Variants in ADGRL2 observed in about 807,000 individuals in gnomAD.
The protein encoded by ADGRL2 is adhesion G protein-coupled receptor L2, also known as calcium-independent alpha-latrotoxin receptor 2.
Under a neutral mutation model 157.4 loss-of-function variants are expected in ADGRL2, and 44 were observed. The ratio of observed to expected loss-of-function variants is 0.28; its 90% CI spans 0.22 to 0.36. The LOEUF (loss-of-function observed/expected upper bound fraction) is 0.36. Among genes scored for constraint, ADGRL2 ranks in the 10% least tolerant of loss-of-function variants. ADGRL2 has a pLI of 1.00. For missense variants in ADGRL2, 1,510 were observed against 1,768.9 expected (o/e 0.85, Z 2.63); for synonymous variants, 585 against 624.7 (o/e 0.94, Z 0.95).
chr1:81,766,984 G>A (rs74095905), intron 2 of ADGRL2, among the ~76,000 whole-genome samples: 5,276 of 151,470 alleles, frequency 0.035, 265 homozygotes, highest in African/African-American at 0.11. Context: ...TCTTTAATCC[G>A]AGCTAAACAT....
chr1:81,501,119 CA>C (rs2078836506), intron 2 of ADGRL2, among the ~76,000 whole-genome samples: 1 of 152,156 alleles, frequency 6.6e-6, no homozygotes, highest in South Asian at 2.1e-4. Flanking sequence ...CTCGCAGGGG[CA>C]AAATTACTGC....
intron 2 of ADGRL2, among the ~76,000 whole-genome samples, chr1:81,459,700 A>G (rs2077881408): frequency 6.6e-6 from 1 of 151,874 alleles, no homozygotes; most frequent in African/African-American, 2.4e-5. Context: ...GTGTATATAT[A>G]TATACACACA....
chr1:81,501,905 T>C lies in ADGRL2; in HGVS notation c.-248+56816T>C, dbSNP rs1484643823. 2.5e-6 allele frequency: 4 copies of C among 1,613,020 alleles called. No individual in the cohort carries two copies. The South Asian group carries it at 3.3e-5, about 13-fold the overall frequency. ...GCAGATGAGAGAAGCCCAGTTCTTG[T>C]ATGCCCAAAAGCTGGTCACGCAGCC... On this transcript the variant is annotated intron_variant, in intron 2 of 24. Transcript: ENST00000370721.
chr1:81,711,875 T>C (rs2083941363), intron 1 of ADGRL2, among the ~76,000 whole-genome samples: 1 of 152,116 alleles, frequency 6.6e-6, no homozygotes, highest in Non-Finnish European at 1.5e-5. Flanking sequence ...GATTCAAAGG[T>C]TAAGGGAGAA....
chr1:81,907,082 A>T lies in ADGRL2; in HGVS notation c.139A>T (p.Ile47Leu). 1 of 1,614,128 alleles carries T rather than the reference A, an allele frequency of 6.2e-7. No individual in the cohort carries two copies. The highest frequency in any genetic ancestry group is 2.2e-5 in the East Asian group (1 of 44,874). ...AGAATTATCCTGTGAAGGTTATTCT[A>T]TAGATCTGCGATGCCCGGGCAGTGA... ...RRELSCEGYS[I>L]DLRCPGSDVI... Residue 47 changes from isoleucine to leucine, a missense_variant, in exon 3 of 24, where the codon ATA becomes TTA. By Grantham distance (5) the Ile-to-Leu change is conservative. Transcript: ENST00000686636.
Position 81,943,226 on chromosome 1 carries a change from G to A in ADGRL2, c.667G>A (p.Val223Ile), listed in dbSNP as rs1454383700. The stretch of plus-strand genomic sequence containing the variant: ...TGGATTTGTGGTGTATGATGGTGCT[G>A]TCTTCTTTAACAAAGAAAGAACGAG... ...GTGFVVYDGAVFFNKERTRNI... is the reference protein window; with the variant it reads ...GTGFVVYDGAIFFNKERTRNI... Residue 223 changes from valine (V) to isoleucine (I), a missense_variant, in exon 6 of 24, where the codon GTC (valine) becomes ATC (isoleucine). Transcript: ENST00000686636. The surrounding 1 kb of genome is among the most constrained non-coding windows in gnomAD (Gnocchi z 5.6). 2 of 1,613,622 alleles carry A rather than the reference G, an allele frequency of 1.2e-6. No homozygotes were observed. The highest frequency in any genetic ancestry group is 1.1e-5 in the South Asian group (1 of 91,066).
At chr1:81,458,596 C>A (rs571345129) in intron 2 of ADGRL2, among the ~76,000 whole-genome samples, 1 of 152,354 alleles carries the variant, frequency 6.6e-6, no homozygotes, top group Admixed American at 6.5e-5. Flanking sequence ...GCTTGCACTA[C>A]TGGCCCAGAT....
At chr1:81,631,907 C>T (rs1202267800) in intron 3 of ADGRL2, among the ~76,000 whole-genome samples, 1 of 152,066 alleles carries the variant, frequency 6.6e-6, no homozygotes, top group Non-Finnish European at 1.5e-5. Flanking sequence ...GATTACAGTT[C>T]CTGCTTGCCT....
At position 81,741,782 on chromosome 1, in the gene ADGRL2, T is replaced by A. The variant is rs551918267; in HGVS notation, c.-142-20029T>A. On this transcript the variant is annotated intron_variant, in intron 1 of 20. Transcript: ENST00000359929. Reference sequence around the variant, plus strand: ...GAGCCATGCCTCAGAATTTCAAAATTCACTTGACTTTGAAATCAAAGTATA... The same window carrying A: ...GAGCCATGCCTCAGAATTTCAAAATACACTTGACTTTGAAATCAAAGTATA... Among the ~76,000 whole-genome samples the A allele has an allele frequency of 2.0e-5, 3 of 152,096 alleles. No individual in the cohort carries two copies. The East Asian group carries it at 5.8e-4, about 29-fold the overall frequency.
At chr1:81,367,438 T>G (rs2076085475) in intron 1 of ADGRL2, among the ~76,000 whole-genome samples, 1 of 152,208 alleles carries the variant, frequency 6.6e-6, no homozygotes, top group South Asian at 2.1e-4. Flanking sequence ...TTCTCATCAT[T>G]CAGCTCCCAC....
In ADGRL2 at chr1:81,932,699, C is replaced by A. The variant is rs926901746; in HGVS notation, c.288-4029C>A. Among the ~76,000 whole-genome samples, 4 of 151,900 alleles carry A rather than the reference C, an allele frequency of 2.6e-5. No individual in the cohort carries two copies. The East Asian group carries it at 7.7e-4, about 29-fold the overall frequency. ...CAGCTTAATAATTTGTATTTCTTTT[C>A]TTTCTTTTTTTTTGACGGAGTTTCA... On this transcript the variant is annotated intron_variant, in intron 3 of 23. Transcript: ENST00000686636.
chr1:81,802,909 G>T (rs12758725), intron 1 of ADGRL2, among the ~76,000 whole-genome samples: 11,794 of 152,216 alleles, frequency 0.077, 561 homozygotes, highest in South Asian at 0.2. Context: ...CCGCCGCCGG[G>T]ACTGGCTACG....
chr1:81,990,498 G>A lies in ADGRL2; in HGVS notation c.3763G>A (p.Val1255Met), dbSNP rs138336807. 1,018 of 1,614,102 alleles carry A rather than the reference G, an allele frequency of 6.3e-4. No homozygotes were observed. Among genetic ancestry groups the A allele is most frequent in the Non-Finnish European group, 7.6e-4 (901 of 1,179,982 alleles). ...GCACAAGGGTGACTATAATGACAGCGTGCAAGTTGTGGACTGTGGACTAAG... is the reference window on the plus strand; with the variant it reads ...GCACAAGGGTGACTATAATGACAGCATGCAAGTTGTGGACTGTGGACTAAG... ...SLHKGDYNDS[V>M]QVVDCGLSLN... The change falls in exon 24 of 24, where the codon GTG becomes ATG. Residue 1255 changes from valine (V) to methionine (M), a missense_variant. Around this residue, in one of 4 missense-constraint regions of ADGRL2, gnomAD observed 327 missense variants for 310.1 expected, o/e 1.05. Coordinates refer to ENST00000686636, the MANE Select transcript of ADGRL2 (RefSeq NM_001366006.2).
At position 81,470,412 on chromosome 1, in the gene ADGRL2, A is replaced by G. The variant is rs368010007; in HGVS notation, c.-248+25323A>G. ...CCCTTCCCAACAGATTCTACCCCCAACTGCTCCCTGTACCCAGCTGTTCCT... is the reference window on the plus strand; with the variant it reads ...CCCTTCCCAACAGATTCTACCCCCAGCTGCTCCCTGTACCCAGCTGTTCCT... On this transcript the variant is annotated intron_variant, in intron 2 of 24. Coordinates refer to the ADGRL2 transcript ENST00000370721. 3.2e-4 allele frequency among the ~76,000 whole-genome samples: 49 copies of G among 151,800 alleles called. 1 individual carries two copies. In the Middle Eastern group the frequency reaches 0.02, roughly 63 times the overall value.
At chr1:81,810,232 C>T (rs1246973050) in intron 1 of ADGRL2, among the ~76,000 whole-genome samples, 5 of 151,836 alleles carry the variant, frequency 3.3e-5, no homozygotes, top group African/African-American at 1.2e-4. Context: ...ATGGGCAAAC[C>T]ATTACAAGAT....
chr1:81,550,766 G>A (rs775090076), intron 2 of ADGRL2, among the ~76,000 whole-genome samples: 1 of 151,440 alleles, frequency 6.6e-6, no homozygotes, highest in Non-Finnish European at 1.5e-5. Flanking sequence ...AATAGAATTT[G>A]TAATAAAAGC....
chr1:81,823,912 G>A (rs1263059957), intron 1 of ADGRL2, among the ~76,000 whole-genome samples: 1 of 152,066 alleles, frequency 6.6e-6, no homozygotes, highest in African/African-American at 2.4e-5. Context: ...TCTTCCTCAA[G>A]TGTAGATATA....
chr1:81,388,689 G>T (rs1457828868), intron 1 of ADGRL2, among the ~76,000 whole-genome samples: 9 of 152,110 alleles, frequency 5.9e-5, no homozygotes, highest in Non-Finnish European at 1.3e-4. Context: ...GAGGAAGTGG[G>T]CCCTCACATC....
chr1:81,541,937 A>T (rs190698528), intron 2 of ADGRL2, among the ~76,000 whole-genome samples: 56 of 152,310 alleles, frequency 3.7e-4, no homozygotes, highest in African/African-American at 1.3e-3. Context: ...CAGCCTGGGC[A>T]ACAAGAGCAA....
Sources: gnomAD v4.1 joint callset for allele counts (sites outside exome capture counted in the v4.1 genomes callset) on GRCh38, gnomAD v4.1.1 for gene constraint, gnomAD v4.1.1 regional missense constraint, Gnocchi (gnomAD v3.1) non-coding constraint, MANE v1.5 for transcripts, NCBI Gene and HGNC (gene_info 2026-07-23, HGNC 2026-07-21) for gene names.